The following TBC1D1 variants were observed in gnomAD, a reference collection of about 807,000 sequenced individuals.
TBC1D1 encodes TBC1 (tre-2/USP6, BUB2, cdc16) domain family, member 1.
Under a neutral mutation model 125.6 loss-of-function variants are expected in TBC1D1, and 89 were observed. That is an observed-to-expected ratio of 0.71 (90% CI 0.60 to 0.85). TBC1D1 has a LOEUF of 0.85. TBC1D1 is among the 40% of genes least tolerant of loss of function. The probability of loss-of-function intolerance (pLI) is 0.00; values close to 1 mark genes in which losing one functional copy is unlikely to be tolerated. For synonymous variants in TBC1D1, 565 were observed against 564.1 expected, an observed-to-expected ratio of 1.00 and a Z score of -0.02; for missense variants, 1,377 against 1,469.2, an observed-to-expected ratio of 0.94 and a Z score of 1.03.
At chr4:37,949,410 C>T (rs1253329055) in intron 2 of TBC1D1, among the ~76,000 whole-genome samples, 1 of 152,190 alleles carries the variant, frequency 6.6e-6, no homozygotes, top group African/African-American at 2.4e-5. Context: ...TCTGTGTGCT[C>T]AGTTTTAATA....
At chr4:37,913,392 A>G (rs915700810) in intron 2 of TBC1D1, among the ~76,000 whole-genome samples, 29 of 152,226 alleles carry the variant, frequency 1.9e-4, no homozygotes, top group African/African-American at 6.7e-4. Flanking sequence ...TGAGGTCGGG[A>G]GTTCAAGACA....
intron 8 of TBC1D1, among the ~76,000 whole-genome samples, chr4:38,040,979 T>C (rs1343096337): frequency 6.6e-6 from 1 of 152,254 alleles, no homozygotes; most frequent in Non-Finnish European, 1.5e-5. Flanking sequence ...GTACGCTCTA[T>C]AGTGTGAAAC....
At position 38,020,603 on chromosome 4, in the gene TBC1D1, G is replaced by T. The variant is rs771457843; in HGVS notation, c.985G>T (p.Val329Leu). ...CTCCCTTTGGCAGGGCATCAGACAC[G>T]TGGACCACTTTGGGTTTATCTGTCG... Residue 329 changes from valine to leucine, a missense_variant, in exon 5 of 20, where the codon GTG becomes TTG. Physicochemically the swap from Val to Leu is conservative, Grantham distance 32. This residue lies in a region of TBC1D1 where 822 missense variants were observed against 824.6 expected (regional missense o/e 1.00). Coordinates refer to ENST00000261439, the MANE Select transcript of TBC1D1 (RefSeq NM_015173.4). 1.2e-6 allele frequency: 2 copies of T among 1,612,588 alleles called. No individual in the cohort carries two copies. The highest frequency in any genetic ancestry group is 2.2e-5 in the South Asian group (2 of 91,076).
intron 1 of TBC1D1, among the ~76,000 whole-genome samples, chr4:37,892,280 G>C (rs1313852921): frequency 6.6e-6 from 1 of 152,146 alleles, no homozygotes; most frequent in African/African-American, 2.4e-5. Flanking sequence ...GCTAGGGGTG[G>C]TGGCACCCAC....
chr4:38,054,371 A>G, intron 12 of TBC1D1, 33 bp downstream of exon 14: 9 of 1,612,580 alleles, frequency 5.6e-6, no homozygotes, highest in Non-Finnish European at 7.6e-6. Flanking sequence ...AACCTCAAAG[A>G]GAGCACGCTG....
chr4:38,095,573 A>AT (rs1759185167), intron 13 of TBC1D1, among the ~76,000 whole-genome samples: 1 of 152,224 alleles, frequency 6.6e-6, no homozygotes, highest in Non-Finnish European at 1.5e-5. Flanking sequence ...AGTTGTAACC[A>AT]TGCTAGTCAT....
At chr4:38,070,750 G>C (rs1207637115) in intron 12 of TBC1D1, among the ~76,000 whole-genome samples, 1 of 152,220 alleles carries the variant, frequency 6.6e-6, no homozygotes, top group African/African-American at 2.4e-5. Flanking sequence ...AAGATGTGGT[G>C]ATAGGTGATA....
chr4:38,113,012 C>A (rs2152569711), intron 15 of TBC1D1, among the ~76,000 whole-genome samples: 1 of 152,202 alleles, frequency 6.6e-6, no homozygotes, highest in African/African-American at 2.4e-5. Flanking sequence ...AAAATTTGGC[C>A]CAAGGTTTGC....
intron 2 of TBC1D1, among the ~76,000 whole-genome samples, chr4:37,905,543 A>G (rs1273204106): frequency 2.0e-5 from 3 of 152,228 alleles, no homozygotes; most frequent in African/African-American, 7.2e-5. Context: ...GATGAGAGGA[A>G]TGAGCAGGAA....
intron 2 of TBC1D1, among the ~76,000 whole-genome samples, chr4:37,908,450 C>T (rs535822599): frequency 6.6e-6 from 1 of 152,278 alleles, no homozygotes; most frequent in East Asian, 1.9e-4. Context: ...AAGTGATCCG[C>T]CCGCTTCCAC....
intron 12 of TBC1D1, among the ~76,000 whole-genome samples, chr4:38,066,289 A>G (rs1409727756): frequency 6.7e-6 from 1 of 150,232 alleles, no homozygotes; most frequent in African/African-American, 2.5e-5. Flanking sequence ...TTTTAGCAAA[A>G]TTAGAGGCTT....
intron 7 of TBC1D1, chr4:38,030,348 C>T (rs77685565): frequency 1.3e-5 from 2 of 152,316 alleles, no homozygotes; most frequent in East Asian, 3.9e-4. Context: ...AGTTAATATC[C>T]TGTGTGTTGT....
intron 8 of TBC1D1, among the ~76,000 whole-genome samples, chr4:38,039,266 T>C (rs1359283307): frequency 6.6e-6 from 1 of 151,458 alleles, no homozygotes; most frequent in Non-Finnish European, 1.5e-5. Context: ...TACAGGTGCC[T>C]GCCACCACTC....
chr4:37,915,883 C>T (rs73810040), intron 2 of TBC1D1, among the ~76,000 whole-genome samples: 1 of 152,146 alleles, frequency 6.6e-6, no homozygotes, highest in Non-Finnish European at 1.5e-5. Flanking sequence ...CATCTCTCAG[C>T]TCTTTGGAAT....
intron 2 of TBC1D1, among the ~76,000 whole-genome samples, chr4:37,985,835 C>G (rs62298549): frequency 0.098 from 14,829 of 151,998 alleles, 842 homozygotes; most frequent in Middle Eastern, 0.2. Context: ...GATATATGCA[C>G]GAAGAATCAC....
intron 2 of TBC1D1, among the ~76,000 whole-genome samples, chr4:38,000,040 C>T (rs1012222339): frequency 6.6e-6 from 1 of 152,092 alleles, no homozygotes; most frequent in Non-Finnish European, 1.5e-5. Context: ...TGAGTTTTGC[C>T]CCATTAGAGT....
At chr4:38,136,967 G>A (rs1279139292) in intron 19 of TBC1D1, among the ~76,000 whole-genome samples, 168 bp from the exon 22 acceptor site, 1 of 152,162 alleles carries the variant, frequency 6.6e-6, no homozygotes. Flanking sequence ...CGACCTGCAA[G>A]GGGTGCGAGT....
chr4:38,098,347 CT>C (rs1415535889), intron 14 of TBC1D1, among the ~76,000 whole-genome samples: 1 of 152,234 alleles, frequency 6.6e-6, no homozygotes, highest in Non-Finnish European at 1.5e-5. Flanking sequence ...CTTCAGGTGT[CT>C]TTGCTTCTGC....
chr4:38,050,972 A>G (rs1344621884), intron 11 of TBC1D1, among the ~76,000 whole-genome samples: 2 of 152,202 alleles, frequency 1.3e-5, no homozygotes, highest in African/African-American at 4.8e-5. Flanking sequence ...TTTTAGAGAC[A>G]CACATCGTTG....
Sources: gnomAD v4.1 joint callset for allele counts (sites outside exome capture counted in the v4.1 genomes callset) on GRCh38, gnomAD v4.1.1 for gene constraint, gnomAD v4.1.1 regional missense constraint, MANE v1.5 for transcripts, NCBI Gene and HGNC (gene_info 2026-07-23, HGNC 2026-07-21) for gene names.